KLF8: variants seen among roughly 807,000 people sequenced by gnomAD.
KLF8 encodes the protein KLF transcription factor 8.
KLF8 carries 10 observed loss-of-function variants against 18.2 expected under a neutral mutation model. The ratio of observed to expected loss-of-function variants is 0.55; its 90% CI spans 0.34 to 0.93. The LOEUF is 0.93. Ranked by LOEUF, KLF8 falls within the 40% of genes least tolerant of loss-of-function variation. KLF8 has a pLI of 0.02. For missense variants in KLF8, 264 were observed against 277.9 expected, an observed-to-expected ratio of 0.95 and a Z score of 0.36; for synonymous variants, 109 against 97.3, an observed-to-expected ratio of 1.12 and a Z score of -0.71.
At chrX:56,022,873 A>G in the KLF8 span, among the ~76,000 whole-genome samples, 2 of 111,296 alleles carry the variant, frequency 1.8e-5, no homozygotes, top group African/African-American at 3.3e-5. Flanking sequence ...GGGTGAATAG[A>G]CCATTCCATG....
chrX:55,994,137 C>T, the KLF8 span, among the ~76,000 whole-genome samples: 1 of 110,196 alleles, frequency 9.1e-6, no homozygotes, highest in African/African-American at 3.3e-5. Flanking sequence ...GTCTCAATCT[C>T]CTGGCCTCAT....
chrX:56,280,187 G>A (rs2067181669), intron 5 of KLF8, among the ~76,000 whole-genome samples: 1 of 111,891 alleles, frequency 8.9e-6, no homozygotes, highest in Non-Finnish European at 1.9e-5. Context: ...ATTTACAATG[G>A]CATCACCCAT....
the KLF8 span, among the ~76,000 whole-genome samples, chrX:55,926,815 A>AT: frequency 9.0e-6 from 1 of 110,747 alleles, no homozygotes; most frequent in Non-Finnish European, 1.9e-5. Flanking sequence ...GAGACTAGAT[A>AT]TTTAATTAAT....
the KLF8 span, among the ~76,000 whole-genome samples, chrX:55,989,562 C>T: frequency 8.9e-6 from 1 of 112,069 alleles, no homozygotes; most frequent in African/African-American, 3.2e-5. Flanking sequence ...CCCCCTTGAT[C>T]ATGGTGGATA....
At chrX:55,977,589 CAA>C in the KLF8 span, among the ~76,000 whole-genome samples, 1 of 110,528 alleles carries the variant, frequency 9.0e-6, no homozygotes, top group African/African-American at 3.3e-5. Context: ...GATAATTGTT[CAA>C]ATGGATGTTT....
the KLF8 span, among the ~76,000 whole-genome samples, chrX:56,012,440 A>T: frequency 6.2e-5 from 7 of 112,194 alleles, no homozygotes; most frequent in Admixed American, 9.5e-5. Context: ...TTGATGGAAG[A>T]TACCTCAAAA....
At chrX:56,076,504 T>C in the KLF8 span, among the ~76,000 whole-genome samples, 1 of 111,152 alleles carries the variant, frequency 9.0e-6, no homozygotes, top group Admixed American at 9.6e-5. Context: ...TATTCCATGG[T>C]GTATATGTGC....
the KLF8 span, among the ~76,000 whole-genome samples, chrX:56,011,863 T>C: frequency 1.8e-5 from 2 of 111,420 alleles, no homozygotes; most frequent in Non-Finnish European, 3.8e-5. Flanking sequence ...TAGAAAAAAT[T>C]GATAAATTCC....
chrX:56,042,990 C>A, the KLF8 span, among the ~76,000 whole-genome samples: 1 of 111,911 alleles, frequency 8.9e-6, no homozygotes, highest in African/African-American at 3.2e-5. Context: ...TCCTTCAGGA[C>A]CTCTTGCAAG....
At chrX:55,943,553 A>C in the KLF8 span, among the ~76,000 whole-genome samples, 1 of 111,473 alleles carries the variant, frequency 9.0e-6, no homozygotes, top group African/African-American at 3.3e-5. Context: ...TCCTTGGTAA[A>C]ATAATTAGCC....
intron 5 of KLF8, among the ~76,000 whole-genome samples, chrX:56,271,700 G>A: frequency 9.0e-6 from 1 of 111,501 alleles, no homozygotes; most frequent in Middle Eastern, 4.6e-3. Flanking sequence ...TCTTCCATGG[G>A]AGATGGATGC....
the KLF8 span, among the ~76,000 whole-genome samples, chrX:56,081,885 T>C: frequency 2.8e-4 from 31 of 112,051 alleles, no homozygotes; most frequent in Non-Finnish European, 5.3e-4. Flanking sequence ...GATTTTTGCA[T>C]CAACATTCAT....
At chrX:55,986,706 T>C in the KLF8 span, among the ~76,000 whole-genome samples, 5 of 112,031 alleles carry the variant, frequency 4.5e-5, no homozygotes, top group Non-Finnish European at 9.4e-5. Flanking sequence ...TTTTCAACTT[T>C]TATTTTAGGT....
chrX:56,083,949 T>A, the KLF8 span, among the ~76,000 whole-genome samples: 4 of 111,929 alleles, frequency 3.6e-5, no homozygotes, highest in African/African-American at 1.3e-4. Flanking sequence ...GCCATAAAGT[T>A]TGGGGACCAC....
chrX:56,188,329 C>T, the KLF8 span, among the ~76,000 whole-genome samples: 7 of 111,381 alleles, frequency 6.3e-5, no homozygotes, highest in Non-Finnish European at 1.1e-4. Flanking sequence ...TGAAGGACCT[C>T]TTCAAGGAGA....
At chrX:56,086,311 G>A in the KLF8 span, among the ~76,000 whole-genome samples, 1 of 111,496 alleles carries the variant, frequency 9.0e-6, no homozygotes, top group Admixed American at 9.6e-5. Context: ...GTTCCAATCT[G>A]GCCTTAGTGA....
At chrX:56,161,701 C>G in the KLF8 span, among the ~76,000 whole-genome samples, 1 of 111,297 alleles carries the variant, frequency 9.0e-6, no homozygotes, top group Non-Finnish European at 1.9e-5. Context: ...GACTTCTTCA[C>G]GCCATGGGTT....
chrX:56,236,176 A>G (rs1015595505), intron 1 of KLF8, among the ~76,000 whole-genome samples: 7 of 111,951 alleles, frequency 6.3e-5, no homozygotes, highest in Non-Finnish European at 1.3e-4. Flanking sequence ...CATTTCTAAT[A>G]TACAGCCCAT....
At chrX:55,958,454 T>C in the KLF8 span, among the ~76,000 whole-genome samples, 8 of 112,108 alleles carry the variant, frequency 7.1e-5, no homozygotes, top group African/African-American at 2.6e-4. Context: ...GCTGTGAGAA[T>C]TTCTCCTTGG....
Sources: allele counts gnomAD v4.1 joint callset (sites outside exome capture counted in the v4.1 genomes callset), GRCh38; gene constraint gnomAD v4.1.1; transcripts MANE v1.5; gene names NCBI Gene and HGNC (gene_info 2026-07-23, HGNC 2026-07-21).